Variants in AVEN observed in about 807,000 individuals in gnomAD.
AVEN encodes apoptosis and caspase activation inhibitor.
In AVEN, 41 loss-of-function variants were observed where a neutral mutation model predicts 38.1. That is an observed-to-expected ratio of 1.08 (90% CI 0.84 to 1.40). The LOEUF (loss-of-function observed/expected upper bound fraction) is 1.40. AVEN is among the 40% of genes most tolerant of loss of function. The pLI is 0.00. For missense variants in AVEN, 605 were observed against 438.8 expected (o/e 1.38, Z -3.38); for synonymous variants, 206 against 171.8 (o/e 1.20, Z -1.56).
At chr15:33,860,350 G>C (rs114659623) in intron 11 of AVEN, among the ~76,000 whole-genome samples, 1,909 of 152,244 alleles carry the variant, frequency 0.013, 39 homozygotes, top group African/African-American at 0.043. Flanking sequence ...GAAGTAGAAA[G>C]GAAAGAGTTT....
chr15:34,012,612 G>C (rs1001720681), intron 1 of AVEN, among the ~76,000 whole-genome samples: 1 of 152,108 alleles, frequency 6.6e-6, no homozygotes, highest in Admixed American at 6.5e-5. Flanking sequence ...ATCTACCAGC[G>C]TAAGTCTGGT....
At chr15:33,932,116 G>C (rs1893873300) in intron 2 of AVEN, among the ~76,000 whole-genome samples, 1 of 152,192 alleles carries the variant, frequency 6.6e-6, no homozygotes, top group South Asian at 2.1e-4. Flanking sequence ...ACTAAGAGCA[G>C]CATCAGAAAC....
intron 2 of AVEN, among the ~76,000 whole-genome samples, chr15:33,981,279 T>C (rs893394533): frequency 1.3e-5 from 2 of 152,234 alleles, no homozygotes; most frequent in Non-Finnish European, 2.9e-5. Flanking sequence ...AATTATCTTT[T>C]TGCTTGAGTT....
intron 2 of AVEN, among the ~76,000 whole-genome samples, chr15:33,878,134 A>T (rs1281378567): frequency 2.0e-5 from 3 of 152,212 alleles, no homozygotes; most frequent in Non-Finnish European, 2.9e-5. Flanking sequence ...ATTTCACCTA[A>T]TGAAGTCTAT....
At chr15:33,899,443 T>C (rs1381922725) in intron 2 of AVEN, among the ~76,000 whole-genome samples, 1 of 150,072 alleles carries the variant, frequency 6.7e-6, no homozygotes, top group Non-Finnish European at 1.5e-5. Context: ...TTTACATTTA[T>C]TTGCTTCAGG....
At chr15:34,069,853 T>C (rs187263178) in intron 2 of AVEN, among the ~76,000 whole-genome samples, 41 of 152,344 alleles carry the variant, frequency 2.7e-4, no homozygotes, top group Non-Finnish European at 5.6e-4. Context: ...TTTAATTTCA[T>C]TTTCTTGAAT....
chr15:33,917,522 C>CAT (rs1893193899), intron 2 of AVEN, among the ~76,000 whole-genome samples: 1 of 118,358 alleles, frequency 8.4e-6, no homozygotes, highest in East Asian at 2.1e-4. Context: ...CACACACATA[C>CAT]GTGTATATAT....
chr15:34,039,711 T>C (rs1899384941), upstream of AVEN, among the ~76,000 whole-genome samples: 1 of 152,232 alleles, frequency 6.6e-6, no homozygotes, highest in African/African-American at 2.4e-5. Flanking sequence ...GCAGAATTTC[T>C]GTAGAAATGA....
chr15:33,897,289 AAATT>A (rs1176530269), intron 2 of AVEN, among the ~76,000 whole-genome samples: 2 of 34,718 alleles, frequency 5.8e-5, no homozygotes, highest in African/African-American at 3.7e-4. Flanking sequence ...CAATAAACAT[AAATT>A]AATTAATTAA....
intron 2 of AVEN, among the ~76,000 whole-genome samples, chr15:33,920,308 A>G (rs1893346091): frequency 6.6e-6 from 1 of 152,164 alleles, no homozygotes; most frequent in Non-Finnish European, 1.5e-5. Context: ...TCACCTTGCA[A>G]AGCTGAAACT....
chr15:33,913,277 CA>C (rs1298470658), intron 2 of AVEN, among the ~76,000 whole-genome samples: 1 of 152,186 alleles, frequency 6.6e-6, no homozygotes, highest in Admixed American at 6.5e-5. Flanking sequence ...TACGTTCAAA[CA>C]AGGGCTGAAA....
downstream of AVEN, chr15:33,854,853 G>C: frequency 6.2e-7 from 1 of 1,613,662 alleles, no homozygotes; most frequent in Non-Finnish European, 8.5e-7. Context: ...ATTGGACATC[G>C]CAATGGGCTT....
chr15:33,944,096 G>T (rs997568875), intron 2 of AVEN, among the ~76,000 whole-genome samples: 1 of 152,136 alleles, frequency 6.6e-6, no homozygotes, highest in Non-Finnish European at 1.5e-5. Flanking sequence ...AAGTAAGACT[G>T]ATAGTACTAT....
At chr15:34,013,254 GT>G (rs1897717279) in intron 1 of AVEN, among the ~76,000 whole-genome samples, 2 of 152,154 alleles carry the variant, frequency 1.3e-5, no homozygotes, top group Admixed American at 6.5e-5. Flanking sequence ...CAGAGGTGGG[GT>G]TTCACCATGT....
At chr15:33,857,846 T>C, downstream of AVEN, 1 of 1,614,216 alleles carries the variant, frequency 6.2e-7, no homozygotes, top group Non-Finnish European at 8.5e-7. Flanking sequence ...TTTCAACTTC[T>C]TCCGCAAGTT....
downstream of AVEN, among the ~76,000 whole-genome samples, chr15:33,857,311 C>T (rs950628246): frequency 4.6e-5 from 7 of 152,062 alleles, no homozygotes; most frequent in Non-Finnish European, 7.4e-5. Context: ...CTCTCGCTGC[C>T]GCTTCCCCTG....
At chr15:34,056,765 C>G (rs1382271681) in intron 5 of AVEN, among the ~76,000 whole-genome samples, 2 of 152,006 alleles carry the variant, frequency 1.3e-5, no homozygotes, top group Admixed American at 6.6e-5. Context: ...TGATGTAATC[C>G]CAGCACTTTG....
chr15:34,025,266 T>A (rs991185780), intron 1 of AVEN, among the ~76,000 whole-genome samples: 2 of 152,192 alleles, frequency 1.3e-5, no homozygotes, highest in African/African-American at 4.8e-5. Context: ...GAGTTTTGGT[T>A]GCAAACTATA....
chr15:34,038,701 T>G, intron 1 of AVEN, 79 bp downstream of exon 1: 1 of 1,095,806 alleles, frequency 9.1e-7, no homozygotes, highest in Non-Finnish European at 1.1e-6. Flanking sequence ...CACGCTCTCT[T>G]GCGGCTCTTG....
Sources: allele counts gnomAD v4.1 joint callset (sites outside exome capture counted in the v4.1 genomes callset), GRCh38; gene constraint gnomAD v4.1.1; transcripts MANE v1.5; gene names NCBI Gene and HGNC (gene_info 2026-07-23, HGNC 2026-07-21).